SF3B2: variants seen among roughly 807,000 people sequenced by gnomAD.
The protein encoded by SF3B2 is SAP 145.
SF3B2 carries 22 observed loss-of-function variants against 116.3 expected under a neutral mutation model. The observed-to-expected ratio is 0.19, with a 90% CI of 0.14 to 0.27. The LOEUF (loss-of-function observed/expected upper bound fraction) is 0.27. SF3B2 is among the 10% of genes least tolerant of loss of function. SF3B2 has a pLI of 1.00. For missense variants in SF3B2, 767 were observed against 1,151.4 expected, an observed-to-expected ratio of 0.67 and a Z score of 4.83; for synonymous variants, 406 against 421.6, an observed-to-expected ratio of 0.96 and a Z score of 0.45.
chr11:66,062,655 C>T (rs1857118867), intron 16 of SF3B2, among the ~76,000 whole-genome samples: 1 of 151,748 alleles, frequency 6.6e-6, no homozygotes, highest in Admixed American at 6.6e-5. Context: ...AATTTCTGCC[C>T]CTTAAGATAA....
chr11:66,060,539 T>A (rs1339721785), intron 13 of SF3B2, 43 bp from the exon 14 acceptor site: 15 of 1,609,468 alleles, frequency 9.3e-6, no homozygotes, highest in Non-Finnish European at 1.3e-5. Flanking sequence ...TACATGAATT[T>A]GGTGAGTACT....
intron 14 of SF3B2, 107 bp from the exon 15 acceptor site, chr11:66,061,579 T>A (rs1857100384): frequency 2.4e-6 from 2 of 824,382 alleles, no homozygotes; most frequent in South Asian, 1.5e-5. Flanking sequence ...AGAATCAGAG[T>A]GGGAGCCAGG....
chr11:66,052,597 A>T (rs1856900034), intron 1 of SF3B2, 76 bp from the exon 2 acceptor site: 17 of 1,590,436 alleles, frequency 1.1e-5, no homozygotes, highest in Admixed American at 3.6e-5. Context: ...CTCGGGTGCG[A>T]GGGGCGGAGG....
At position 66,068,669 on chromosome 11, in the gene SF3B2, T is replaced by C. The variant is rs748932200; in HGVS notation, c.2617-5T>C. ...CTTAACCTGTGTCTCTTTCTCCCTATACAGCAAAAAAAACGGAAAGCTCAG... is the reference window on the plus strand; with the variant it reads ...CTTAACCTGTGTCTCTTTCTCCCTACACAGCAAAAAAAACGGAAAGCTCAG... On this transcript the variant is annotated splice_polypyrimidine_tract_variant and splice_region_variant and intron_variant, in intron 21 of 21. Coordinates refer to ENST00000322535, the MANE Select transcript of SF3B2 (RefSeq NM_006842.3). The C allele has an allele frequency of 1.2e-6, 2 of 1,613,756 alleles. No individual in the cohort carries two copies. Among genetic ancestry groups the C allele is most frequent in the South Asian group, 1.1e-5 (1 of 91,064 alleles).
At chr11:66,057,502 CCTT>C (rs1482827266) in intron 7 of SF3B2, 127 bp downstream of exon 7, 15 of 638,476 alleles carry the variant, frequency 2.3e-5, no homozygotes, top group Non-Finnish European at 4.0e-5. Context: ...AGTGGGGAGC[CCTT>C]CTTATTTAAA....
intron 19 of SF3B2, 148 bp from the exon 20 acceptor site, chr11:66,067,798 C>T (rs1207170487): frequency 2.6e-5 from 17 of 663,866 alleles, no homozygotes; most frequent in Non-Finnish European, 3.7e-5. Flanking sequence ...TCTTTTCTGT[C>T]ATGGGCAGAA....
intron 21 of SF3B2, 34 bp from the exon 22 acceptor site, chr11:66,068,640 C>T (rs769497389): frequency 2.0e-5 from 32 of 1,606,062 alleles, no homozygotes; most frequent in Non-Finnish European, 2.6e-5. Context: ...GTGGTTCAAC[C>T]TGTCTTAACC....
At chr11:66,057,524 A>G (rs1470414594) in intron 7 of SF3B2, 149 bp downstream of exon 7, 11 of 622,060 alleles carry the variant, frequency 1.8e-5, no homozygotes, top group Non-Finnish European at 3.2e-5. Flanking sequence ...AACTAAGGGT[A>G]TGGCAGAGGG....
chr11:66,063,391 C>G lies in SF3B2; in HGVS notation c.2086-9C>G. The G allele has an allele frequency of 2.5e-6, 4 of 1,603,404 alleles. No individual in the cohort carries two copies. The highest frequency in any genetic ancestry group is 3.4e-6 in the Non-Finnish European group (4 of 1,175,322). Reference sequence around the variant, plus strand: ...AACATTTGTTGAATGATAAAGTGATCTCTTTCAGACCAAGACTGAGGAAGA... The same window carrying G: ...AACATTTGTTGAATGATAAAGTGATGTCTTTCAGACCAAGACTGAGGAAGA... On this transcript the variant is annotated splice_polypyrimidine_tract_variant and intron_variant, in intron 17 of 21. Coordinates refer to ENST00000322535, the MANE Select transcript of SF3B2 (RefSeq NM_006842.3).
At chr11:66,063,801 C>A in intron 19 of SF3B2, 72 bp downstream of exon 19, 1 of 1,214,870 alleles carries the variant, frequency 8.2e-7, no homozygotes, top group Non-Finnish European at 1.1e-6. Flanking sequence ...ACTGTTGTTC[C>A]TTTCTCCCTC....
At position 66,058,975 on chromosome 11, in the gene SF3B2, A is replaced by G. The variant is rs757345963; in HGVS notation, c.1112A>G (p.Tyr371Cys). Residue 371 changes from tyrosine to cysteine, a missense_variant, in exon 10 of 22, where the codon TAT becomes TGT. Tyr to Cys is a radical substitution (Grantham distance 194). This residue lies in a region of SF3B2 where 455 missense variants were observed against 537.5 expected (regional missense o/e 0.85). Transcript: ENST00000322535. ...DSPAADVEIE[Y>C]VTEEPEIYEP... ...CCAGCAGCTGATGTTGAGATTGAGT[A>G]TGTGACTGAAGAACCTGAAATTTAC... The G allele has an allele frequency of 7.4e-6, 12 of 1,614,080 alleles. No homozygotes were observed. The African/African-American group carries it at 1.6e-4, about 22-fold the overall frequency.
chr11:66,055,782 C>T, intron 5 of SF3B2, 197 bp downstream of exon 5: 3 of 535,020 alleles, frequency 5.6e-6, no homozygotes, highest in Non-Finnish European at 9.8e-6. Context: ...ATGTGTATGG[C>T]CTATGAGCTA....
intron 7 of SF3B2, 106 bp downstream of exon 7, chr11:66,057,481 T>G: frequency 3.0e-6 from 2 of 671,374 alleles, no homozygotes; most frequent in Non-Finnish European, 2.7e-6. Flanking sequence ...GGGACTTAAA[T>G]TCCTGGGGGT....
Position 66,052,398 on chromosome 11 carries a change from A to G in SF3B2, c.14A>G (p.His5Arg), listed in dbSNP as rs1856890967. 3 of 1,611,454 alleles carry G rather than the reference A, an allele frequency of 1.9e-6. No homozygotes were observed. Among genetic ancestry groups the G allele is most frequent in the African/African-American group, 1.3e-5 (1 of 74,908 alleles). MATE[H>R]PEPPKAELQL... The stretch of plus-strand genomic sequence containing the variant: ...CCTGCGGCTAAGATGGCGACGGAGC[A>G]TCCCGAGCCTCCCAAAGCAGAATTG... Residue 5 changes from histidine to arginine, a missense_variant, in exon 1 of 22, where the codon CAT becomes CGT. His to Arg is a conservative substitution (Grantham distance 29). Transcript: ENST00000322535.
intron 5 of SF3B2, 72 bp from the exon 6 acceptor site, chr11:66,056,766 A>G: frequency 8.7e-7 from 1 of 1,152,880 alleles, no homozygotes; most frequent in South Asian, 1.2e-5. Flanking sequence ...CCCGGCTGAA[A>G]GAATGCATTT....
At chr11:66,055,762 T>G in intron 5 of SF3B2, 177 bp downstream of exon 5, 2 of 611,500 alleles carry the variant, frequency 3.3e-6, no homozygotes, top group Admixed American at 6.2e-5. Flanking sequence ...AACTATGACC[T>G]GTGGCCTGCA....
intron 5 of SF3B2, among the ~76,000 whole-genome samples, chr11:66,056,399 CAAAAAAAAAA>C (rs34575917): frequency 1.9e-5 from 1 of 52,174 alleles, no homozygotes; most frequent in Non-Finnish European, 3.6e-5. Flanking sequence ...GACTCTGTCT[CAAAAAAAAAA>C]AAAAAAAAAA....
chr11:66,058,696 A>C, intron 9 of SF3B2, 134 bp from the exon 10 acceptor site: 1 of 759,650 alleles, frequency 1.3e-6, no homozygotes, highest in Non-Finnish European at 2.1e-6. Context: ...CTTCGCAGCT[A>C]CTTCATGAGA....
In SF3B2 at chr11:66,062,991, G is replaced by A. The variant is rs1857123114; in HGVS notation, c.1978-18G>A. 1 of 1,567,332 alleles carries A rather than the reference G, an allele frequency of 6.4e-7. No individual in the cohort carries two copies. ...TTTGCAGCTAAGGAGTGAACTGATT[G>A]TGCTCACTGTCTTGCAGAGCTGTTC... On this transcript the variant is annotated intron_variant, in intron 16 of 21. Coordinates refer to ENST00000322535, the MANE Select transcript of SF3B2 (RefSeq NM_006842.3).
Sources: allele counts gnomAD v4.1 joint callset (sites outside exome capture counted in the v4.1 genomes callset), GRCh38; gene constraint gnomAD v4.1.1; regional missense constraint gnomAD v4.1.1; transcripts MANE v1.5; gene names NCBI Gene and HGNC (gene_info 2026-07-23, HGNC 2026-07-21).